The following HCN1 variants were observed in gnomAD, a reference collection of about 807,000 sequenced individuals.
The protein encoded by HCN1 is hyperpolarization activated cyclic nucleotide gated potassium channel 1, also known as potassium/sodium hyperpolarization-activated cyclic nucleotide-gated channel 1.
HCN1 carries 13 observed loss-of-function variants against 78.9 expected under a neutral mutation model. The ratio of observed to expected loss-of-function variants is 0.16; its 90% CI spans 0.11 to 0.26. The LOEUF is 0.26. HCN1 is among the 10% of genes least tolerant of loss of function. The pLI, the probability that HCN1 is intolerant of heterozygous loss-of-function variation, is 1.00. For synonymous variants in HCN1, 552 were observed against 455.5 expected (o/e 1.21, Z -2.70); for missense variants, 810 against 1,154.3 (o/e 0.70, Z 4.32).
At chr5:45,315,054 C>G (rs188150451) in intron 5 of HCN1, among the ~76,000 whole-genome samples, 3 of 152,126 alleles carry the variant, frequency 2.0e-5, no homozygotes, top group African/African-American at 4.8e-5. Flanking sequence ...CAGCTCTGCA[C>G]CAAGCGGACC....
Position 45,258,739 on chromosome 5 carries a change from C to T in HCN1, c.*3182G>A, listed in dbSNP as rs1744672119. The T allele has an allele frequency of 6.6e-6, 1 of 151,488 alleles. No individual in the cohort carries two copies. Among genetic ancestry groups the T allele is most frequent in the Non-Finnish European group, 1.5e-5 (1 of 67,838 alleles). 9.4% of individuals were successfully genotyped at this position (151,488 alleles called of 1,614,324 possible). ...CTATACAAACCTATTTTGTTTAAGG[C>T]TATAAATATGAATGTATTTATATAA... On this transcript the variant is annotated 3_prime_UTR_variant, in exon 8 of 8. Transcript: ENST00000303230.
intron 2 of HCN1, among the ~76,000 whole-genome samples, chr5:45,574,060 G>A (rs976744053): frequency 4.6e-5 from 7 of 151,992 alleles, no homozygotes; most frequent in Admixed American, 1.3e-4. Flanking sequence ...TAAAAGGGAA[G>A]TATATGAATC....
rs189133884 is a variant in HCN1, at chr5:45,263,267, C to G, written c.1784-457G>C. On this transcript the variant is annotated intron_variant, in intron 7 of 7. Transcript: ENST00000303230. The stretch of plus-strand genomic sequence containing the variant: ...TAGGTAGATGATTTTATGTAACCCG[C>G]GACCCTGTCAGATAGGTGTGTTCAT... Among the ~76,000 whole-genome samples, 91 of 152,050 alleles carry G rather than the reference C, an allele frequency of 6.0e-4. 1 individual carries two copies. The East Asian group carries it at 0.01, about 17-fold the overall frequency.
chr5:45,561,204 AAT>A (rs1170145975), intron 2 of HCN1, among the ~76,000 whole-genome samples: 2 of 152,100 alleles, frequency 1.3e-5, no homozygotes, highest in African/African-American at 4.8e-5. Flanking sequence ...ATGGTAATTT[AAT>A]ATGTTTAGTT....
In HCN1 at chr5:45,305,426, A is replaced by T. The variant is rs773142136; in HGVS notation, c.1378-1587T>A. Among the ~76,000 whole-genome samples, 48 of 152,156 alleles carry T rather than the reference A, an allele frequency of 3.2e-4. 1 individual carries two copies. Among genetic ancestry groups the T allele is most frequent in the Non-Finnish European group, 8.8e-5 (6 of 68,044 alleles). ...TCATGGAAGATGAGAAAATATTTACAAATAAGCAACAATAATCAGAAAGTG... is the reference window on the plus strand; with the variant it reads ...TCATGGAAGATGAGAAAATATTTACTAATAAGCAACAATAATCAGAAAGTG... On this transcript the variant is annotated intron_variant, in intron 5 of 7. Transcript: ENST00000303230.
chr5:45,362,184 G>A lies in HCN1; in HGVS notation c.1231-8938C>T, dbSNP rs917833038. ...TGTGTGTGTGTGTGTGTGTGTGTGT[G>A]TATCTATCTATGTGTAGGGAAATGA... On this transcript the variant is annotated intron_variant, in intron 4 of 7. Transcript: ENST00000303230. Among the ~76,000 whole-genome samples the A allele has an allele frequency of 3.3e-5, 5 of 149,440 alleles. No homozygotes were observed. In the South Asian group the frequency reaches 1.1e-3, roughly 31 times the overall value.
At chr5:45,421,102 G>A (rs1045649618) in intron 3 of HCN1, among the ~76,000 whole-genome samples, 12 of 149,070 alleles carry the variant, frequency 8.0e-5, no homozygotes, top group African/African-American at 2.0e-4. Flanking sequence ...TTGCTCTGTC[G>A]CCCAGGCTGG....
intron 3 of HCN1, among the ~76,000 whole-genome samples, chr5:45,422,852 G>C (rs965442988): frequency 2.0e-5 from 3 of 152,136 alleles, no homozygotes; most frequent in Admixed American, 6.5e-5. Context: ...ATGAAAATGA[G>C]AGTAAAATGA....
At chr5:45,370,800 A>T (rs962597284) in intron 4 of HCN1, among the ~76,000 whole-genome samples, 6 of 152,114 alleles carry the variant, frequency 3.9e-5, no homozygotes, top group Non-Finnish European at 5.9e-5. Context: ...CAAAATGCAA[A>T]AAAATGTTAA....
At chr5:45,527,789 G>A (rs891295671) in intron 2 of HCN1, among the ~76,000 whole-genome samples, 2 of 151,418 alleles carry the variant, frequency 1.3e-5, no homozygotes, top group African/African-American at 4.9e-5. Context: ...AGAACATGTT[G>A]TATTAATTTT....
Position 45,396,591 on chromosome 5 carries a change from C to T in HCN1, c.1131G>A (p.Leu377=). The change falls in exon 4 of 8, where the codon CTG becomes CTA. Residue 377 remains leucine (L), a synonymous_variant. Transcript: ENST00000303230. ...AGCAGGTGGCCCCGACGATCATGCTCAGCATGGTAATCCAGAGGTCAGACA... is the reference window on the plus strand; with the variant it reads ...AGCAGGTGGCCCCGACGATCATGCTTAGCATGGTAATCCAGAGGTCAGACA... ...VSMSDLWITM[L]SMIVGATCYA... 1 of 1,613,896 alleles carries T rather than the reference C, an allele frequency of 6.2e-7. No homozygotes were observed. The highest frequency in any genetic ancestry group is 8.5e-7 in the Non-Finnish European group (1 of 1,179,892).
rs113599719 is a variant in HCN1, at chr5:45,408,754, G to A, written c.1012-12044C>T. Among the ~76,000 whole-genome samples the A allele has an allele frequency of 6.4e-3, 982 of 152,256 alleles. 5 individuals carry two copies. The highest frequency in any genetic ancestry group is 0.023 in the African/African-American group (948 of 41,546). ...TCATCTCTTTTATGGCATTCTTGAA[G>A]TGTTTAATGCTGCTATTTTGAGGTT... On this transcript the variant is annotated intron_variant, in intron 3 of 7. Coordinates refer to ENST00000303230, the MANE Select transcript of HCN1 (RefSeq NM_021072.4).
intron 6 of HCN1, among the ~76,000 whole-genome samples, chr5:45,277,090 A>T (rs968930988): frequency 5.3e-5 from 8 of 152,046 alleles, no homozygotes; most frequent in Non-Finnish European, 7.4e-5. Context: ...TTCAGGAAAA[A>T]CTTCGTGTGC....
chr5:45,434,963 T>TA (rs1413093361), intron 3 of HCN1, among the ~76,000 whole-genome samples: 1 of 152,080 alleles, frequency 6.6e-6, no homozygotes, highest in Admixed American at 6.6e-5. Context: ...TTATTTTTTT[T>TA]AAAAAATGTC....
intron 6 of HCN1, among the ~76,000 whole-genome samples, chr5:45,267,916 G>T (rs1339185655): frequency 6.6e-6 from 1 of 152,092 alleles, no homozygotes; most frequent in Non-Finnish European, 1.5e-5. Flanking sequence ...TGCAGAAAAT[G>T]GAATAAAATG....
intron 2 of HCN1, among the ~76,000 whole-genome samples, chr5:45,593,394 C>T (rs911469427): frequency 6.6e-5 from 10 of 151,018 alleles, no homozygotes; most frequent in Admixed American, 6.6e-4. Context: ...ATGCAGGACA[C>T]AGTGTGCTAC....
intron 5 of HCN1, among the ~76,000 whole-genome samples, chr5:45,304,784 G>C (rs1431391095): frequency 2.0e-5 from 3 of 152,164 alleles, no homozygotes; most frequent in African/African-American, 7.2e-5. Context: ...GGGCTAGAGA[G>C]AGGACATATT....
At chr5:45,356,301 A>C (rs1311168437) in intron 4 of HCN1, among the ~76,000 whole-genome samples, 1 of 151,986 alleles carries the variant, frequency 6.6e-6, no homozygotes. Flanking sequence ...ATTCCATCAG[A>C]TCTAAAGAGA....
chr5:45,492,358 C>A, intron 2 of HCN1, among the ~76,000 whole-genome samples: 2 of 139,890 alleles, frequency 1.4e-5, no homozygotes, highest in African/African-American at 2.7e-5. Flanking sequence ...TAAGCTAAAT[C>A]AAGCTTTGAG....
Sources: gnomAD v4.1 joint callset for allele counts (sites outside exome capture counted in the v4.1 genomes callset) on GRCh38, gnomAD v4.1.1 for gene constraint, MANE v1.5 for transcripts, NCBI Gene and HGNC (gene_info 2026-07-23, HGNC 2026-07-21) for gene names.